The following CAPN13 variants were observed in gnomAD, a reference collection of about 807,000 sequenced individuals.
CAPN13 encodes the protein calpain-13.
A neutral mutation model predicts 98.4 loss-of-function variants in CAPN13; 90 were observed. The ratio of observed to expected loss-of-function variants is 0.92; its 90% CI spans 0.77 to 1.09. The LOEUF (loss-of-function observed/expected upper bound fraction) is 1.09. Ranked by LOEUF, CAPN13 falls within the 50% of genes least tolerant of loss-of-function variation. The pLI is 0.00. For missense variants in CAPN13, 887 were observed against 841.3 expected, an observed-to-expected ratio of 1.05 and a Z score of -0.67; for synonymous variants, 330 against 305.5, an observed-to-expected ratio of 1.08 and a Z score of -0.84.
At chr2:30,770,262 G>T in intron 5 of CAPN13, 51 bp downstream of exon 5, 1 of 1,596,534 alleles carries the variant, frequency 6.3e-7, no homozygotes, top group Non-Finnish European at 8.5e-7. Flanking sequence ...TTCCGGGTAG[G>T]CAGGACCAGC....
intron 15 of CAPN13, chr2:30,741,446 A>G (rs2147967262): frequency 2.0e-6 from 2 of 999,330 alleles, no homozygotes; most frequent in South Asian, 8.9e-5. Flanking sequence ...AGTTCTTTAT[A>G]ACAGTTTATT....
At chr2:30,732,335 T>C in intron 20 of CAPN13, 103 bp downstream of exon 20, 1 of 1,467,552 alleles carries the variant, frequency 6.8e-7, no homozygotes, top group Non-Finnish European at 9.3e-7. Context: ...ACCCTGCTGC[T>C]GAGGCCTCAC....
chr2:30,736,514 C>T lies in CAPN13; in HGVS notation c.1711G>A (p.Val571Ile), dbSNP rs1671372926. The change falls in exon 18 of 23, where the codon GTT (valine) becomes ATT (isoleucine). Residue 571 changes from valine (V) to isoleucine (I), a missense_variant. Coordinates refer to ENST00000295055, the MANE Select transcript of CAPN13 (RefSeq NM_144575.3). The stretch of plus-strand genomic sequence containing the variant: ...GAATGTGCCCGTACCTGGTAGTGAA[C>T]AAGGCGCTTCCACAGTCGCGCAAAC... ...EEFARLWKRL[V>I]HYQHVFQKVQ... is the part of the protein sequence containing the mutation. The T allele has an allele frequency of 6.2e-7, 1 of 1,613,966 alleles. No individual in the cohort carries two copies. Among genetic ancestry groups the T allele is most frequent in the African/African-American group, 1.3e-5 (1 of 75,034 alleles).
In CAPN13 at chr2:30,743,468, C is replaced by T; in HGVS notation, c.1360G>A (p.Gly454Arg). 6.2e-7 allele frequency: 1 copy of T among 1,613,994 alleles called. No individual in the cohort carries two copies. Among genetic ancestry groups the T allele is most frequent in the Non-Finnish European group, 8.5e-7 (1 of 1,179,858 alleles). ...NFTMTYHLSP[G>R]NYVVVAQTRR... ...GTCTGTGCAACCACAACATAGTTCC[C>T]AGGGCTCAGATGGTAAGTCATGGTG... Residue 454 changes from glycine (G) to arginine (R), a missense_variant, in exon 13 of 23, where the codon GGG (glycine) becomes AGG (arginine). By Grantham distance (125) the Gly-to-Arg change is moderately radical. Transcript: ENST00000295055.
chr2:30,740,026 G>A (rs959629379), intron 15 of CAPN13, among the ~76,000 whole-genome samples: 11 of 151,200 alleles, frequency 7.3e-5, no homozygotes, highest in African/African-American at 2.7e-4. Flanking sequence ...TTATAGAGCT[G>A]TCACCACTAC....
At chr2:30,780,935 G>C (rs1673956090) in intron 2 of CAPN13, among the ~76,000 whole-genome samples, 1 of 152,200 alleles carries the variant, frequency 6.6e-6, no homozygotes, top group Non-Finnish European at 1.5e-5. Flanking sequence ...TACCAGATGG[G>C]TCAGGCACAT....
At chr2:30,805,808 T>C (rs934630648) in intron 1 of CAPN13, among the ~76,000 whole-genome samples, 1 of 147,352 alleles carries the variant, frequency 6.8e-6, no homozygotes, top group African/African-American at 2.5e-5. Flanking sequence ...GGCATGATCA[T>C]AGCTCACTGA....
chr2:30,725,303 G>A (rs111341810), intron 22 of CAPN13, among the ~76,000 whole-genome samples: 2 of 152,128 alleles, frequency 1.3e-5, no homozygotes, highest in East Asian at 1.9e-4. Flanking sequence ...TGACAACAAG[G>A]CATACACTTT....
intron 12 of CAPN13, chr2:30,745,226 T>A: frequency 2.1e-6 from 1 of 472,568 alleles, no homozygotes. Context: ...CTTCCTCATA[T>A]GGGCAAGTCA....
chr2:30,754,498 ACAGGAC>A, intron 8 of CAPN13, 134 bp from the exon 9 acceptor site: 1 of 607,480 alleles, frequency 1.6e-6, no homozygotes, highest in Non-Finnish European at 2.7e-6. Context: ...CCTACCTAGG[ACAGGAC>A]CCAGTTATTC....
intron 5 of CAPN13, 124 bp downstream of exon 5, chr2:30,770,189 T>C (rs1673326165): frequency 1.5e-6 from 2 of 1,302,078 alleles, no homozygotes; most frequent in African/African-American, 1.5e-5. Context: ...CACGTGGTGA[T>C]TGTTTATGGA....
intron 1 of CAPN13, among the ~76,000 whole-genome samples, chr2:30,799,195 T>G (rs575010017): frequency 1.4e-5 from 2 of 145,384 alleles, no homozygotes; most frequent in African/African-American, 2.6e-5. Flanking sequence ...GAAGAGAGAG[T>G]GGGTGGGAGA....
At chr2:30,782,379 A>G (rs1340080794) in intron 2 of CAPN13, among the ~76,000 whole-genome samples, 1 of 152,204 alleles carries the variant, frequency 6.6e-6, no homozygotes. Flanking sequence ...TTTTTGCTAG[A>G]GGACTTAGAT....
intron 10 of CAPN13, 106 bp downstream of exon 10, chr2:30,752,947 G>C: frequency 8.0e-7 from 1 of 1,256,638 alleles, no homozygotes. Flanking sequence ...TCAGCTTCAG[G>C]CTCATGGTCC....
chr2:30,729,855 T>C (rs1670999022), intron 22 of CAPN13: 1 of 152,214 alleles, frequency 6.6e-6, no homozygotes, highest in Non-Finnish European at 1.5e-5. Flanking sequence ...TTCGAAGGTA[T>C]ATTGGCACAT....
intron 22 of CAPN13, chr2:30,730,028 A>C (rs751511745): frequency 1.3e-5 from 2 of 152,236 alleles, no homozygotes; most frequent in Non-Finnish European, 1.5e-5. Flanking sequence ...GCATGAGTAG[A>C]AAGTTTCAGG....
intron 17 of CAPN13, chr2:30,737,782 G>A (rs548636579): frequency 5.1e-4 from 84 of 166,294 alleles, no homozygotes; most frequent in Non-Finnish European, 1.9e-4. Flanking sequence ...ATAAAGGGGC[G>A]GTTTAGGATA....
chr2:30,804,653 C>A (rs1675496633), intron 1 of CAPN13, among the ~76,000 whole-genome samples: 1 of 152,120 alleles, frequency 6.6e-6, no homozygotes, highest in Admixed American at 6.5e-5. Context: ...AACACTTGAC[C>A]AAAAGATAGA....
At chr2:30,730,280 T>C (rs1362459136) in intron 22 of CAPN13, among the ~76,000 whole-genome samples, 1 of 152,216 alleles carries the variant, frequency 6.6e-6, no homozygotes, top group East Asian at 1.9e-4. Context: ...TAAACACTGA[T>C]GCCTACAGAT....
Sources: allele counts gnomAD v4.1 joint callset (sites outside exome capture counted in the v4.1 genomes callset), GRCh38; gene constraint gnomAD v4.1.1; transcripts MANE v1.5; gene names NCBI Gene and HGNC (gene_info 2026-07-23, HGNC 2026-07-21).